Variants in MTREX observed in about 807,000 individuals in gnomAD.
MTREX encodes Mtr4 exosome RNA helicase.
Under a neutral mutation model 135.4 loss-of-function variants are expected in MTREX, and 76 were observed. The observed-to-expected ratio is 0.56, with a 90% CI of 0.47 to 0.68. MTREX has a LOEUF of 0.68. MTREX is among the 30% of genes least tolerant of loss of function. The probability of loss-of-function intolerance (pLI) is 0.00; values close to 1 mark genes in which losing one functional copy is unlikely to be tolerated. For synonymous variants in MTREX, 404 were observed against 401.6 expected, an observed-to-expected ratio of 1.01 and a Z score of -0.07; for missense variants, 920 against 1,262.1, an observed-to-expected ratio of 0.73 and a Z score of 4.11.
At chr5:55,424,440 C>T (rs986231108) in intron 26 of MTREX, 11 of 230,680 alleles carry the variant, frequency 4.8e-5, no homozygotes, top group Non-Finnish European at 6.8e-5. Context: ...CTACTGCGCC[C>T]GACCTAGCAT....
intron 26 of MTREX, chr5:55,423,310 A>C (rs1425159009): frequency 4.1e-6 from 1 of 241,120 alleles, no homozygotes; most frequent in Non-Finnish European, 7.9e-6. Context: ...TCAACAATTA[A>C]ATTTATCAGA....
At chr5:55,377,382 A>G (rs537420495) in intron 16 of MTREX, among the ~76,000 whole-genome samples, 4 of 152,336 alleles carry the variant, frequency 2.6e-5, no homozygotes, top group Admixed American at 1.3e-4. Context: ...ACACATTTTA[A>G]AAATCCAATA....
intron 16 of MTREX, among the ~76,000 whole-genome samples, chr5:55,377,440 A>G (rs1012530123): frequency 4.6e-5 from 7 of 152,348 alleles, no homozygotes; most frequent in South Asian, 2.1e-4. Context: ...TCCTAGTTCA[A>G]TTATACCAAA....
intron 16 of MTREX, among the ~76,000 whole-genome samples, chr5:55,374,314 G>T (rs1007885903): frequency 5.3e-4 from 78 of 148,500 alleles, no homozygotes; most frequent in African/African-American, 1.8e-3. Context: ...TGGAGGCAGG[G>T]TCTCACTCTG....
intron 22 of MTREX, among the ~76,000 whole-genome samples, chr5:55,405,817 C>T (rs1274544333): frequency 1.3e-5 from 2 of 151,950 alleles, no homozygotes; most frequent in African/African-American, 4.8e-5. Context: ...CAATATCTTC[C>T]ACACTAAATA....
chr5:55,308,204 A>G, intron 1 of MTREX, 57 bp downstream of exon 1: 1 of 1,529,126 alleles, frequency 6.5e-7, no homozygotes, highest in South Asian at 1.3e-5. Flanking sequence ...GGAGGAAGAA[A>G]ACACTACTCT....
At chr5:55,372,097 T>C (rs746372923) in intron 16 of MTREX, among the ~76,000 whole-genome samples, 14 of 152,178 alleles carry the variant, frequency 9.2e-5, no homozygotes, top group Non-Finnish European at 1.9e-4. Flanking sequence ...TAGAATGTTA[T>C]ATGTAATTCT....
chr5:55,338,767 A>ATT, intron 5 of MTREX, among the ~76,000 whole-genome samples: 1 of 138,454 alleles, frequency 7.2e-6, no homozygotes, highest in Middle Eastern at 3.7e-3. Context: ...TTGATTGTTA[A>ATT]TCTGTAGACT....
intron 7 of MTREX, among the ~76,000 whole-genome samples, chr5:55,342,542 C>T (rs1170684436): frequency 6.6e-6 from 1 of 152,102 alleles, no homozygotes; most frequent in African/African-American, 2.4e-5. Context: ...GTTACGCTCT[C>T]GTAATGAAAA....
chr5:55,324,233 C>T (rs1404157717), intron 3 of MTREX, 35 bp downstream of exon 3: 2 of 1,505,956 alleles, frequency 1.3e-6, no homozygotes, highest in Non-Finnish European at 1.8e-6. Flanking sequence ...GTTAGTGTTA[C>T]AAATGGGATT....
chr5:55,342,470 G>A (rs927639918), intron 7 of MTREX, among the ~76,000 whole-genome samples: 9 of 152,148 alleles, frequency 5.9e-5, no homozygotes, highest in African/African-American at 2.2e-4. Flanking sequence ...AAAACAAAAA[G>A]TGAGGATTAT....
chr5:55,327,517 G>GT, intron 3 of MTREX, 199 bp from the exon 4 acceptor site: 1 of 528,932 alleles, frequency 1.9e-6, no homozygotes, highest in Non-Finnish European at 3.4e-6. Flanking sequence ...GCGAGTAGAT[G>GT]TAATTTCTGA....
At chr5:55,319,748 GAAAT>G (rs1268944340) in intron 1 of MTREX, among the ~76,000 whole-genome samples, 1 of 152,180 alleles carries the variant, frequency 6.6e-6, no homozygotes, top group East Asian at 1.9e-4. Flanking sequence ...AGCTATGAGA[GAAAT>G]AAATAATTAG....
intron 14 of MTREX, among the ~76,000 whole-genome samples, chr5:55,357,724 G>A (rs1749943889): frequency 1.3e-5 from 2 of 152,156 alleles, no homozygotes; most frequent in Admixed American, 1.3e-4. Context: ...TTGAGTTACA[G>A]TTTTTTTAAA....
chr5:55,379,342 AC>A, intron 18 of MTREX, 147 bp downstream of exon 18: 1 of 540,734 alleles, frequency 1.8e-6, no homozygotes, highest in Non-Finnish European at 3.3e-6. Flanking sequence ...TTTGGAATAC[AC>A]CCGGCTAATT....
intron 15 of MTREX, among the ~76,000 whole-genome samples, chr5:55,363,651 A>G (rs1431185387): frequency 6.6e-6 from 1 of 152,216 alleles, no homozygotes; most frequent in Non-Finnish European, 1.5e-5. Context: ...ATTTTTAGTA[A>G]TATGAGGGAT....
At chr5:55,366,662 T>C in intron 15 of MTREX, 63 bp from the exon 16 acceptor site, 4 of 1,297,532 alleles carry the variant, frequency 3.1e-6, no homozygotes, top group Non-Finnish European at 4.2e-6. Context: ...TTATAGTAGG[T>C]TAAAGGTACT....
chr5:55,408,057 C>T (rs1312030796), intron 22 of MTREX, among the ~76,000 whole-genome samples: 1 of 152,122 alleles, frequency 6.6e-6, no homozygotes, highest in Non-Finnish European at 1.5e-5. Flanking sequence ...TCACCCAGCA[C>T]CCAGCCCCTT....
At chr5:55,342,904 A>G (rs750123176) in intron 7 of MTREX, among the ~76,000 whole-genome samples, 9 of 152,256 alleles carry the variant, frequency 5.9e-5, no homozygotes, top group Non-Finnish European at 1.2e-4. Context: ...TCTTTCTTTC[A>G]TCTCCAGAGG....
Sources: allele counts gnomAD v4.1 joint callset (sites outside exome capture counted in the v4.1 genomes callset), GRCh38; gene constraint gnomAD v4.1.1; transcripts MANE v1.5; gene names NCBI Gene and HGNC (gene_info 2026-07-23, HGNC 2026-07-21).